Variants in FAAH2 observed in about 807,000 individuals in gnomAD.
FAAH2 encodes fatty-acid amide hydrolase 2.
A neutral mutation model predicts 36.9 loss-of-function variants in FAAH2; 60 were observed. The ratio of observed to expected loss-of-function variants is 1.63; its 90% CI spans 1.32 to 2.02. The LOEUF is 2.02. Ranked by LOEUF, FAAH2 falls within the 30% of genes most tolerant of loss-of-function variation. FAAH2 has a pLI of 0.00. For synonymous variants in FAAH2, 214 were observed against 143.8 expected (o/e 1.49, Z -3.49); for missense variants, 689 against 397.5 (o/e 1.73, Z -6.23).
intron 8 of FAAH2, among the ~76,000 whole-genome samples, chrX:57,444,523 T>A (rs1429050470): frequency 9.0e-6 from 1 of 111,507 alleles, no homozygotes; most frequent in Non-Finnish European, 1.9e-5. Flanking sequence ...TTCCCTTGGC[T>A]AGGAAAGGGA....
At chrX:57,436,148 A>G (rs7057129) in intron 8 of FAAH2, among the ~76,000 whole-genome samples, 41,087 of 110,080 alleles carry the variant, frequency 0.37, 6,449 homozygotes, top group Middle Eastern at 0.64. Context: ...GGTGGAAATT[A>G]TAGCAATTTT....
At chrX:57,202,353 C>T in the FAAH2 span, among the ~76,000 whole-genome samples, 3,407 of 111,765 alleles carry the variant, frequency 0.03, 115 homozygotes, top group African/African-American at 0.11. Context: ...GTGGGGCACC[C>T]CAAGCTCAGT....
chrX:57,360,105 A>G (rs2054253151), intron 5 of FAAH2, among the ~76,000 whole-genome samples: 1 of 109,743 alleles, frequency 9.1e-6, no homozygotes, highest in African/African-American at 3.3e-5. Context: ...CCTGCTACCT[A>G]TAAGATTCTC....
chrX:57,169,013 C>T, the FAAH2 span, among the ~76,000 whole-genome samples: 2 of 110,880 alleles, frequency 1.8e-5, no homozygotes, highest in African/African-American at 6.5e-5. Flanking sequence ...ATAAAGATGC[C>T]ATCAGGGTTG....
chrX:57,190,400 GCAAA>G, the FAAH2 span, among the ~76,000 whole-genome samples: 1 of 102,535 alleles, frequency 9.8e-6, no homozygotes, highest in Non-Finnish European at 2.0e-5. Flanking sequence ...TTCCAGGGCA[GCAAA>G]CAGTTTTGTC....
chrX:57,487,493 A>G (rs1009748619), intron 10 of FAAH2, among the ~76,000 whole-genome samples: 6 of 111,982 alleles, frequency 5.4e-5, no homozygotes, highest in South Asian at 3.7e-4. Context: ...CCTAAAGAAA[A>G]CATACTAATT....
At chrX:57,352,048 GTGTATA>G (rs1569283771) in intron 5 of FAAH2, among the ~76,000 whole-genome samples, 2 of 4,139 alleles carry the variant, frequency 4.8e-4, no homozygotes, top group Non-Finnish European at 3.1e-3. Flanking sequence ...ATATATATAT[GTGTATA>G]TATATATATA....
At chrX:57,162,865 A>G in the FAAH2 span, among the ~76,000 whole-genome samples, 1 of 112,873 alleles carries the variant, frequency 8.9e-6, no homozygotes, top group Non-Finnish European at 1.9e-5. Flanking sequence ...TCAGCTTGTC[A>G]AAGTCAATCT....
At chrX:57,284,147 C>T (rs1343153563), upstream of FAAH2, among the ~76,000 whole-genome samples, 1 of 112,061 alleles carries the variant, frequency 8.9e-6, no homozygotes, top group Non-Finnish European at 1.9e-5. Context: ...CCTGAGAACT[C>T]AGGCAGGGCT....
chrX:57,275,161 A>G, the FAAH2 span, among the ~76,000 whole-genome samples: 1 of 112,154 alleles, frequency 8.9e-6, no homozygotes, highest in Non-Finnish European at 1.9e-5. Flanking sequence ...CACAATTACT[A>G]CTAAGAGAAC....
At chrX:57,392,969 G>A in intron 7 of FAAH2, 1 of 927,313 alleles carries the variant, frequency 1.1e-6, no homozygotes, top group Non-Finnish European at 1.6e-6. Context: ...CAATGATCCT[G>A]ATTTTATCCT....
chrX:57,487,300 A>C (rs2057492206), intron 10 of FAAH2, among the ~76,000 whole-genome samples: 1 of 111,461 alleles, frequency 9.0e-6, no homozygotes, highest in Admixed American at 9.6e-5. Flanking sequence ...CAAAATTAAA[A>C]AAAAAAACTA....
chrX:57,369,608 A>G (rs910320226), intron 5 of FAAH2, among the ~76,000 whole-genome samples: 3 of 111,850 alleles, frequency 2.7e-5, no homozygotes, highest in African/African-American at 9.7e-5. Flanking sequence ...TGCCATACCC[A>G]ACAAAACTAT....
the FAAH2 span, among the ~76,000 whole-genome samples, chrX:57,218,182 C>T: frequency 9.0e-6 from 1 of 111,517 alleles, no homozygotes; most frequent in African/African-American, 3.3e-5. Context: ...ATTTGGATGC[C>T]TTTTATTTAT....
At chrX:57,445,100 T>A (rs1403664663) in intron 8 of FAAH2, among the ~76,000 whole-genome samples, 1 of 111,894 alleles carries the variant, frequency 8.9e-6, no homozygotes, top group Non-Finnish European at 1.9e-5. Flanking sequence ...ATATTCACCG[T>A]CTGTGCTTGG....
At chrX:57,324,218 G>A (rs1477441627) in intron 3 of FAAH2, among the ~76,000 whole-genome samples, 1 of 111,845 alleles carries the variant, frequency 8.9e-6, no homozygotes, top group Non-Finnish European at 1.9e-5. Flanking sequence ...TTTGATACCA[G>A]TACCATGCTG....
intron 5 of FAAH2, among the ~76,000 whole-genome samples, chrX:57,376,760 C>G (rs1347208263): frequency 8.9e-6 from 1 of 112,061 alleles, no homozygotes; most frequent in African/African-American, 3.2e-5. Flanking sequence ...AACTAATTTA[C>G]ACTCCAACCA....
the FAAH2 span, among the ~76,000 whole-genome samples, chrX:57,266,092 T>A: frequency 8.9e-6 from 1 of 111,985 alleles, no homozygotes; most frequent in Non-Finnish European, 1.9e-5. Flanking sequence ...ACAATACAGC[T>A]GCTCTATGAA....
intron 5 of FAAH2, among the ~76,000 whole-genome samples, chrX:57,376,238 T>C (rs1324169459): frequency 9.0e-6 from 1 of 111,420 alleles, no homozygotes; most frequent in Non-Finnish European, 1.9e-5. Flanking sequence ...TGTTCATCGA[T>C]ATTATTAATC....
Sources: gnomAD v4.1 joint callset for allele counts (sites outside exome capture counted in the v4.1 genomes callset) on GRCh38, gnomAD v4.1.1 for gene constraint, MANE v1.5 for transcripts, NCBI Gene and HGNC (gene_info 2026-07-23, HGNC 2026-07-21) for gene names.